The following ASAP2 variants were observed in gnomAD, a reference collection of about 807,000 sequenced individuals.
ASAP2 encodes the protein arf-GAP with SH3 domain, ANK repeat and PH domain-containing protein 2.
ASAP2 carries 45 observed loss-of-function variants against 131.4 expected under a neutral mutation model. The observed-to-expected ratio is 0.34, with a 90% CI of 0.27 to 0.44. The LOEUF is 0.44. ASAP2 is among the 20% of genes least tolerant of loss of function. ASAP2 has a pLI of 1.00. For synonymous variants in ASAP2, 510 were observed against 503.0 expected, an observed-to-expected ratio of 1.01 and a Z score of -0.19; for missense variants, 1,011 against 1,297.0, an observed-to-expected ratio of 0.78 and a Z score of 3.39.
At chr2:9,323,344 G>A in intron 6 of ASAP2, 94 bp downstream of exon 6, 2 of 1,525,938 alleles carry the variant, frequency 1.3e-6, no homozygotes, top group Non-Finnish European at 1.8e-6. Flanking sequence ...CGGCTTCAGA[G>A]AAAACACCAC....
At chr2:9,386,931 G>A (rs1258799998) in intron 21 of ASAP2, among the ~76,000 whole-genome samples, 3 of 152,194 alleles carry the variant, frequency 2.0e-5, no homozygotes, top group Admixed American at 6.5e-5. Context: ...CCGGCCGAGC[G>A]CGGGGGCTCA....
Position 9,350,934 on chromosome 2 carries a change from G to A in ASAP2, c.1111+39G>A, listed in dbSNP as rs191960092. ...TGAGATGCCGCGCCATAGAGACGTT[G>A]TCTTATGCTCTCCTCTGGGGCGTCC... On this transcript the variant is annotated intron_variant, in intron 12 of 27. Coordinates refer to ENST00000281419, the MANE Select transcript of ASAP2 (RefSeq NM_003887.3). The A allele has an allele frequency of 4.8e-5, 72 of 1,504,734 alleles. 1 individual carries two copies. The African/African-American group carries it at 8.9e-4, about 19-fold the overall frequency. The allele number at this position is 1,504,734 out of a possible 1,614,324, so 93.2% of individuals were successfully genotyped here.
chr2:9,330,820 A>G (rs1293118093), intron 7 of ASAP2, among the ~76,000 whole-genome samples: 1 of 152,194 alleles, frequency 6.6e-6, no homozygotes, highest in African/African-American at 2.4e-5. Context: ...GCAACAGACC[A>G]CTTGTGGAAA....
chr2:9,349,455 G>A (rs1672189097), intron 11 of ASAP2, among the ~76,000 whole-genome samples: 1 of 152,192 alleles, frequency 6.6e-6, no homozygotes, highest in Admixed American at 6.5e-5. Context: ...TTGGTTCCTG[G>A]ATAAGTTAGG....
At chr2:9,212,129 A>G (rs1661604283) in intron 1 of ASAP2, among the ~76,000 whole-genome samples, 4 of 152,248 alleles carry the variant, frequency 2.6e-5, no homozygotes, top group Non-Finnish European at 4.4e-5. Flanking sequence ...AGGTCCTGCC[A>G]TGCACTCAGG....
rs931834425 is a variant in ASAP2, at chr2:9,207,289, C to T, written c.126+59C>T. 2.6e-4 allele frequency: 381 copies of T among 1,467,342 alleles called. 1 individual carries two copies. Among genetic ancestry groups the T allele is most frequent in the East Asian group, 1.3e-4 (5 of 37,846 alleles). The allele number at this position is 1,467,342 out of a possible 1,614,324, so 90.9% of individuals were successfully genotyped here. On this transcript the variant is annotated intron_variant, in intron 1 of 27. Transcript: ENST00000281419. This position sits in a 1 kb window ranked among gnomAD's most constrained non-coding sequence, Gnocchi z 4.1. ...GTATCCCGCGCCCCAGCCCCGCCCGCCGCTCCCGCATCCGCATCCCGAGAA... is the reference window on the plus strand; with the variant it reads ...GTATCCCGCGCCCCAGCCCCGCCCGTCGCTCCCGCATCCGCATCCCGAGAA...
Position 9,281,599 on chromosome 2 carries a change from TC to T in ASAP2, c.199+2211del, listed in dbSNP as rs369963328. ...CTGCCTAAAACTCTATAGCATTTTTTCATCACCCTCTTTGAAGTTCGTGGAA... is the reference window on the plus strand; with the variant it reads ...CTGCCTAAAACTCTATAGCATTTTTTATCACCCTCTTTGAAGTTCGTGGAA... On this transcript the variant is annotated intron_variant, in intron 2 of 27. Transcript: ENST00000281419. This position sits in a 1 kb window ranked among gnomAD's most constrained non-coding sequence, Gnocchi z 4.0. Among the ~76,000 whole-genome samples the T allele has an allele frequency of 3.0e-4, 46 of 152,222 alleles. No homozygotes were observed. The highest frequency in any genetic ancestry group is 1.1e-3 in the African/African-American group (44 of 41,450).
At chr2:9,301,854 C>T (rs368812682) in intron 3 of ASAP2, among the ~76,000 whole-genome samples, 1 of 133,990 alleles carries the variant, frequency 7.5e-6, no homozygotes, top group Non-Finnish European at 1.5e-5. Flanking sequence ...GACGGAGTCT[C>T]GTTCTGTTGT....
intron 20 of ASAP2, among the ~76,000 whole-genome samples, chr2:9,383,834 T>TA (rs146088081): frequency 0.018 from 2,803 of 152,118 alleles, 106 homozygotes; most frequent in African/African-American, 0.064. Context: ...TGTGCAGCCA[T>TA]AAAAAAGGAT....
At chr2:9,239,682 T>C (rs142584693) in intron 1 of ASAP2, among the ~76,000 whole-genome samples, 6 of 152,266 alleles carry the variant, frequency 3.9e-5, no homozygotes, top group African/African-American at 1.4e-4. Context: ...CACAAAACCA[T>C]TGTTTTTTGT....
intron 1 of ASAP2, among the ~76,000 whole-genome samples, chr2:9,210,703 C>T (rs1175932472): frequency 1.6e-4 from 25 of 151,958 alleles, no homozygotes; most frequent in Middle Eastern, 3.4e-3. Flanking sequence ...TACAGGTGCC[C>T]GCCACCATGC....
At chr2:9,286,447 A>AAAAAAAAATATATAT (rs58605449) in intron 2 of ASAP2, among the ~76,000 whole-genome samples, 2 of 148,420 alleles carry the variant, frequency 1.3e-5, no homozygotes, top group African/African-American at 5.1e-5. Flanking sequence ...GAAAAAAAAA[A>AAAAAAAAATATATAT]ATATATATAT....
chr2:9,305,475 G>A (rs1183141676), intron 3 of ASAP2, among the ~76,000 whole-genome samples: 3 of 87,946 alleles, frequency 3.4e-5, no homozygotes, highest in African/African-American at 7.7e-5. Context: ...TGTAGTAGTG[G>A]GGTATAGATA....
At chr2:9,245,742 C>T (rs1464797921) in intron 1 of ASAP2, among the ~76,000 whole-genome samples, 2 of 152,126 alleles carry the variant, frequency 1.3e-5, no homozygotes, top group Non-Finnish European at 2.9e-5. Flanking sequence ...TGCAGTCTGA[C>T]GCTGTGTGCC....
At chr2:9,222,367 G>T (rs1662484781) in intron 1 of ASAP2, among the ~76,000 whole-genome samples, 1 of 152,196 alleles carries the variant, frequency 6.6e-6, no homozygotes, top group Non-Finnish European at 1.5e-5. Flanking sequence ...TATTTGCCTT[G>T]TCTGGCCACG....
chr2:9,382,905 TTTAA>T (rs755560250), intron 20 of ASAP2, among the ~76,000 whole-genome samples: 140 of 151,820 alleles, frequency 9.2e-4, no homozygotes, highest in Admixed American at 2.7e-3. Context: ...AGAGAAAGAG[TTTAA>T]TTATGGCAAG....
chr2:9,306,631 C>A (rs1325108404), intron 3 of ASAP2, among the ~76,000 whole-genome samples: 2 of 151,832 alleles, frequency 1.3e-5, no homozygotes, highest in Non-Finnish European at 2.9e-5. Flanking sequence ...GATCCTGTGC[C>A]CCTTTGTCCT....
rs546862626 is a variant in ASAP2 at position 9,254,527 on chromosome 2, A to ATTTTTTTTTTTT, written c.127-24775_127-24764dup. Among the ~76,000 whole-genome samples the ATTTTTTTTTTTT allele has an allele frequency of 2.5e-4, 7 of 28,010 alleles. 3 individuals carry two copies. Among genetic ancestry groups the ATTTTTTTTTTTT allele is most frequent in the African/African-American group, 9.0e-4 (7 of 7,780 alleles). 18.4% of individuals were successfully genotyped at this position (28,010 alleles called of 152,430 possible). ...ACCACTACCCCCAGCTAATTTTTGGATTTTTTTTTTTTTTTTTTTTTTTTT... is the reference window on the plus strand; with the variant it reads ...ACCACTACCCCCAGCTAATTTTTGGATTTTTTTTTTTTTTTTTTTTTTTTTTTTTTTTTTTTT... On this transcript the variant is annotated intron_variant, in intron 1 of 27. Transcript: ENST00000281419.
chr2:9,345,000 T>A (rs1038436588), intron 11 of ASAP2, among the ~76,000 whole-genome samples, 200 bp downstream of exon 11: 2 of 151,652 alleles, frequency 1.3e-5, no homozygotes, highest in African/African-American at 4.8e-5. Context: ...GTTTTTTTTT[T>A]TTTAATTTTA....
Sources: gnomAD v4.1 joint callset for allele counts (sites outside exome capture counted in the v4.1 genomes callset) on GRCh38, gnomAD v4.1.1 for gene constraint, Gnocchi (gnomAD v3.1) non-coding constraint, MANE v1.5 for transcripts, NCBI Gene and HGNC (gene_info 2026-07-23, HGNC 2026-07-21) for gene names.